The following WWOX variants were observed in gnomAD, a reference collection of about 807,000 sequenced individuals.
WWOX encodes WW domain-containing oxidoreductase.
WWOX carries 69 observed loss-of-function variants against 46.2 expected under a neutral mutation model. That is an observed-to-expected ratio of 1.49 (90% confidence interval 1.23 to 1.82). The LOEUF is 1.82. Among genes scored for constraint, WWOX ranks in the 40% most tolerant of loss-of-function variants. WWOX has a pLI of 0.00. For synonymous variants in WWOX, 359 were observed against 202.6 expected (o/e 1.77, Z -6.56); for missense variants, 919 against 542.6 (o/e 1.69, Z -6.89).
At chr16:78,831,533 G>A (rs929349843) in intron 8 of WWOX, among the ~76,000 whole-genome samples, 3 of 152,160 alleles carry the variant, frequency 2.0e-5, no homozygotes, top group African/African-American at 7.2e-5. Context: ...GCCCATGCCC[G>A]GGTGCACAAA....
chr16:78,563,658 GGA>G (rs1253011380), intron 8 of WWOX, among the ~76,000 whole-genome samples: 1 of 151,774 alleles, frequency 6.6e-6, no homozygotes, highest in Non-Finnish European at 1.5e-5. Flanking sequence ...AAATTATCCA[GGA>G]GGAATGATTA....
chr16:78,268,604 C>T (rs2079414673), intron 5 of WWOX, among the ~76,000 whole-genome samples: 1 of 152,200 alleles, frequency 6.6e-6, no homozygotes, highest in Admixed American at 6.5e-5. Flanking sequence ...GTTTACTCTT[C>T]ACCCACCATT....
At chr16:79,047,547 G>A (rs2048088316) in intron 8 of WWOX, among the ~76,000 whole-genome samples, 1 of 152,130 alleles carries the variant, frequency 6.6e-6, no homozygotes, top group African/African-American at 2.4e-5. Context: ...GGGCCACCAT[G>A]TGTATCAGTG....
At chr16:78,630,882 CT>C (rs35385583) in intron 8 of WWOX, among the ~76,000 whole-genome samples, 64,483 of 151,848 alleles carry the variant, frequency 0.42, 16,343 homozygotes, top group Middle Eastern at 0.59. Context: ...GTCAGCCCCC[CT>C]CTCTCTGGGT....
intron 8 of WWOX, among the ~76,000 whole-genome samples, chr16:78,630,855 G>A (rs1208314142): frequency 3.5e-5 from 5 of 144,268 alleles, no homozygotes; most frequent in South Asian, 2.3e-4. Flanking sequence ...GTGAATGAAC[G>A]AAAGAGGCCA....
rs530129277 is a variant in WWOX at position 78,632,389 on chromosome 16, C to T, written c.1056+199637C>T. 1.3e-4 allele frequency among the ~76,000 whole-genome samples: 19 copies of T among 151,994 alleles called. No individual in the cohort carries two copies. The East Asian group carries it at 1.9e-3, about 16-fold the overall frequency. On this transcript the variant is annotated intron_variant, in intron 8 of 8. Transcript: ENST00000566780. ...CATTATTGAGTTATTCCGCTACCTC[C>T]GTATTTGAGTCCTTTCTTTTGGGCT...
chr16:79,103,536 A>G (rs1429620395), intron 8 of WWOX, among the ~76,000 whole-genome samples: 1 of 152,182 alleles, frequency 6.6e-6, no homozygotes, highest in Non-Finnish European at 1.5e-5. Context: ...TCATTATGGA[A>G]CATGGAGAAA....
chr16:78,215,981 A>G (rs1161351703), intron 5 of WWOX, among the ~76,000 whole-genome samples: 1 of 152,078 alleles, frequency 6.6e-6, no homozygotes, highest in Non-Finnish European at 1.5e-5. Flanking sequence ...GACTGTTCTT[A>G]TTCCCATTTC....
intron 8 of WWOX, among the ~76,000 whole-genome samples, chr16:79,184,070 C>G (rs1211519424): frequency 1.3e-5 from 2 of 152,144 alleles, no homozygotes; most frequent in Non-Finnish European, 2.9e-5. Context: ...TGAACATTGT[C>G]AAAAGGACTC....
intron 8 of WWOX, among the ~76,000 whole-genome samples, chr16:79,052,963 T>G: frequency 8.3e-6 from 1 of 120,000 alleles, no homozygotes; most frequent in African/African-American, 3.2e-5. Flanking sequence ...TGTTTGTGTA[T>G]TTGGGGGTTG....
chr16:78,100,109 C>T, intron 1 of WWOX: 1 of 1,375,044 alleles, frequency 7.3e-7, no homozygotes. Context: ...CCCGGCGCGC[C>T]CTCTGCTGTT....
rs80252301 is a variant in WWOX, at chr16:79,108,411, A to G, written c.1057-103197A>G. 7.1e-3 allele frequency among the ~76,000 whole-genome samples: 1,081 copies of G among 152,304 alleles called. 16 individuals carry two copies. Among genetic ancestry groups the G allele is most frequent in the African/African-American group, 0.025 (1,028 of 41,556 alleles). ...CTGGTGTCTACCTGACCACCCCTCC[A>G]GGGGAGAGATAAACTCAAAGGGGAG... On this transcript the variant is annotated intron_variant, in intron 8 of 8. Coordinates refer to ENST00000566780, the MANE Select transcript of WWOX (RefSeq NM_016373.4).
At chr16:78,843,636 A>C (rs1476427910) in intron 8 of WWOX, among the ~76,000 whole-genome samples, 1 of 132,772 alleles carries the variant, frequency 7.5e-6, no homozygotes, top group Admixed American at 7.6e-5. Flanking sequence ...GGAAGTGAGC[A>C]AATCACACTC....
chr16:78,418,880 G>T (rs910062995), intron 6 of WWOX, among the ~76,000 whole-genome samples: 1 of 151,850 alleles, frequency 6.6e-6, no homozygotes, highest in Non-Finnish European at 1.5e-5. Flanking sequence ...TTAGGATCAA[G>T]AAATAAGACA....
intron 8 of WWOX, among the ~76,000 whole-genome samples, chr16:78,752,708 C>G (rs1048439557): frequency 1.3e-5 from 2 of 152,204 alleles, no homozygotes; most frequent in South Asian, 2.1e-4. Context: ...TTATGGAGCC[C>G]TGCTTTGTGC....
At chr16:78,392,909 G>T (rs2082207097) in intron 6 of WWOX, among the ~76,000 whole-genome samples, 2 of 152,108 alleles carry the variant, frequency 1.3e-5, no homozygotes, top group Middle Eastern at 3.4e-3. Context: ...AAGTTTTCTG[G>T]GTGGTCAGCC....
chr16:78,323,648 C>T (rs2080541154), intron 5 of WWOX, among the ~76,000 whole-genome samples: 2 of 152,192 alleles, frequency 1.3e-5, no homozygotes, highest in South Asian at 4.1e-4. Context: ...ACTTTTCACG[C>T]ATGGCATTGA....
At chr16:78,859,225 CT>C (rs2052659900) in intron 8 of WWOX, among the ~76,000 whole-genome samples, 1 of 151,340 alleles carries the variant, frequency 6.6e-6, no homozygotes, top group Non-Finnish European at 1.5e-5. Flanking sequence ...CTGATTTCAA[CT>C]TTGTTTCCCA....
chr16:78,270,655 G>A (rs1205120084), intron 5 of WWOX: 2 of 152,136 alleles, frequency 1.3e-5, no homozygotes, highest in African/African-American at 4.8e-5. Context: ...CTCAAAACTT[G>A]GTAGCTAACT....
Sources: allele counts gnomAD v4.1 joint callset (sites outside exome capture counted in the v4.1 genomes callset), GRCh38; gene constraint gnomAD v4.1.1; transcripts MANE v1.5; gene names NCBI Gene and HGNC (gene_info 2026-07-23, HGNC 2026-07-21).